Variants in DOCK1 observed in about 807,000 individuals in gnomAD.
DOCK1 encodes the protein dedicator of cytokinesis 1.
In DOCK1, 138 loss-of-function variants were observed where a neutral mutation model predicts 262.7. The ratio of observed to expected loss-of-function variants is 0.53; its 90% CI spans 0.46 to 0.61. DOCK1 has a LOEUF of 0.61. DOCK1 is among the 20% of genes least tolerant of loss of function. The probability of loss-of-function intolerance (pLI) is 0.00; values close to 1 mark genes in which losing one functional copy is unlikely to be tolerated. For missense variants in DOCK1, 1,908 were observed against 2,370.7 expected, an observed-to-expected ratio of 0.80 and a Z score of 4.05; for synonymous variants, 866 against 867.4, an observed-to-expected ratio of 1.00 and a Z score of 0.03.
At chr10:126,942,943 A>T (rs1399372960) in intron 1 of DOCK1, among the ~76,000 whole-genome samples, 1 of 152,128 alleles carries the variant, frequency 6.6e-6, no homozygotes, top group South Asian at 2.1e-4. Context: ...TTTCTTGTTC[A>T]TCTAGAAATG....
chr10:127,451,284 G>A (rs775139763), intron 51 of DOCK1, 48 bp from the exon 52 acceptor site: 7 of 1,550,860 alleles, frequency 4.5e-6, no homozygotes, highest in Non-Finnish European at 6.1e-6. Context: ...TGTCTTTTCT[G>A]TCAGGACATC....
chr10:127,179,876 T>C (rs1354489305), intron 27 of DOCK1, among the ~76,000 whole-genome samples: 1 of 152,232 alleles, frequency 6.6e-6, no homozygotes, highest in Non-Finnish European at 1.5e-5. Flanking sequence ...AATGTCACCA[T>C]TCCCCTATGC....
intron 44 of DOCK1, among the ~76,000 whole-genome samples, chr10:127,415,469 C>T (rs2134436370): frequency 1.3e-5 from 2 of 152,300 alleles, no homozygotes; most frequent in South Asian, 2.1e-4. Context: ...TATCAAAAAA[C>T]CAGAATGAAG....
chr10:127,385,827 G>A (rs117749245), intron 38 of DOCK1, among the ~76,000 whole-genome samples: 1,569 of 152,258 alleles, frequency 0.01, 22 homozygotes, highest in Non-Finnish European at 0.017. Flanking sequence ...CCCTTCCTCC[G>A]TCATCACAGG....
At chr10:127,185,509 T>G (rs2056147962) in intron 27 of DOCK1, among the ~76,000 whole-genome samples, 1 of 152,152 alleles carries the variant, frequency 6.6e-6, no homozygotes, top group Admixed American at 6.5e-5. Flanking sequence ...AAGAGAATCT[T>G]AACACTATAC....
At chr10:127,209,953 G>A (rs1306662261) in intron 27 of DOCK1, among the ~76,000 whole-genome samples, 4 of 152,154 alleles carry the variant, frequency 2.6e-5, no homozygotes, top group Non-Finnish European at 5.9e-5. Flanking sequence ...TAAGGCTGCA[G>A]GAGTTGGTAA....
intron 46 of DOCK1, among the ~76,000 whole-genome samples, chr10:127,425,479 G>C (rs1365696068): frequency 6.6e-6 from 1 of 152,162 alleles, no homozygotes; most frequent in African/African-American, 2.4e-5. Context: ...TTACCTTTTG[G>C]AATAGGGTTC....
chr10:126,999,525 A>G (rs967377557), intron 9 of DOCK1, 90 bp downstream of exon 9: 7 of 1,076,352 alleles, frequency 6.5e-6, no homozygotes, highest in African/African-American at 4.7e-5. Context: ...CGACACTAGA[A>G]CATGGGTCCC....
At position 127,318,749 on chromosome 10, in the gene DOCK1, T is replaced by A. The variant is rs553118135; in HGVS notation, c.3045-20257T>A. ...GAATAAGCCTGACCAAGCCTCTGCC[T>A]TCGTGGAGTTTGCCTTCTACTTAGG... is the stretch of plus-strand genomic sequence containing the variant. On this transcript the variant is annotated intron_variant, in intron 29 of 51. Coordinates refer to ENST00000623213, the MANE Select transcript of DOCK1 (RefSeq NM_001290223.2). 1.2e-4 allele frequency among the ~76,000 whole-genome samples: 18 copies of A among 152,340 alleles called. No homozygotes were observed. The South Asian group carries it at 3.3e-3, about 28-fold the overall frequency.
chr10:126,949,558 G>A (rs1305578355), intron 1 of DOCK1, among the ~76,000 whole-genome samples: 2 of 152,114 alleles, frequency 1.3e-5, no homozygotes, highest in Non-Finnish European at 2.9e-5. Context: ...AGAGCAGCAA[G>A]GGCAGAGCTG....
At chr10:127,321,465 T>G (rs2062524635) in intron 29 of DOCK1, among the ~76,000 whole-genome samples, 1 of 151,098 alleles carries the variant, frequency 6.6e-6, no homozygotes, top group Non-Finnish European at 1.5e-5. Context: ...TCTTCAGTGC[T>G]CTCTCATTGA....
intron 46 of DOCK1, among the ~76,000 whole-genome samples, chr10:127,422,143 T>C (rs1168442566): frequency 6.6e-6 from 1 of 150,970 alleles, no homozygotes; most frequent in African/African-American, 2.4e-5. Flanking sequence ...CAACAAGACT[T>C]GTTATTTTGT....
intron 40 of DOCK1, among the ~76,000 whole-genome samples, chr10:127,408,644 A>G (rs1000767939): frequency 1.3e-5 from 2 of 152,196 alleles, no homozygotes; most frequent in African/African-American, 4.8e-5. Context: ...AAAAACAAGA[A>G]AAAGTGTGGA....
intron 1 of DOCK1, among the ~76,000 whole-genome samples, chr10:126,917,682 G>A (rs1165453072): frequency 6.6e-6 from 1 of 152,196 alleles, no homozygotes; most frequent in Non-Finnish European, 1.5e-5. Flanking sequence ...ACCCCGGGCT[G>A]TGGGGACAAG....
chr10:127,049,991 T>TTTA (rs869167803), intron 21 of DOCK1, among the ~76,000 whole-genome samples: 10 of 138,504 alleles, frequency 7.2e-5, no homozygotes, highest in East Asian at 2.3e-4. Flanking sequence ...TTTTTTTTTT[T>TTTA]ACTATAGTGA....
At chr10:127,279,510 A>G (rs1017908595) in intron 29 of DOCK1, among the ~76,000 whole-genome samples, 3 of 152,138 alleles carry the variant, frequency 2.0e-5, no homozygotes, top group African/African-American at 7.2e-5. Flanking sequence ...TTGGAGAAAC[A>G]TTTTTCCCTA....
At chr10:127,166,437 C>T (rs896223648) in intron 27 of DOCK1, among the ~76,000 whole-genome samples, 7 of 152,144 alleles carry the variant, frequency 4.6e-5, no homozygotes, top group East Asian at 1.9e-4. Context: ...ATGAGTGGGC[C>T]GGTCTGACAG....
At chr10:127,096,732 ATTG>A (rs989153611) in intron 23 of DOCK1, among the ~76,000 whole-genome samples, 1 of 151,728 alleles carries the variant, frequency 6.6e-6, no homozygotes, top group Non-Finnish European at 1.5e-5. Flanking sequence ...AAGTGCATTT[ATTG>A]TTTTATTTTT....
intron 1 of DOCK1, among the ~76,000 whole-genome samples, chr10:126,964,726 C>T (rs1404396162): frequency 6.6e-6 from 1 of 152,354 alleles, no homozygotes. Context: ...ATGGCCACCC[C>T]TGGCCTTTGA....
Sources: allele counts gnomAD v4.1 joint callset (sites outside exome capture counted in the v4.1 genomes callset), GRCh38; gene constraint gnomAD v4.1.1; transcripts MANE v1.5; gene names NCBI Gene and HGNC (gene_info 2026-07-23, HGNC 2026-07-21).